Variants in CASQ2 observed in about 807,000 individuals in gnomAD.
The protein encoded by CASQ2 is calsequestrin 2.
CASQ2 carries 49 observed loss-of-function variants against 46.5 expected under a neutral mutation model. That is an observed-to-expected ratio of 1.05 (90% CI 0.84 to 1.34). The LOEUF (loss-of-function observed/expected upper bound fraction) is 1.34. Ranked by LOEUF, CASQ2 falls within the 40% of genes most tolerant of loss-of-function variation. CASQ2 has a pLI of 0.00. For missense variants in CASQ2, 486 were observed against 481.3 expected (o/e 1.01, Z -0.09); for synonymous variants, 174 against 168.5 (o/e 1.03, Z -0.25).
chr1:115,768,693 C>G lies in CASQ2; in HGVS notation c.-152G>C, dbSNP rs1649213399. The G allele has an allele frequency of 4.6e-6, 3 of 649,410 alleles. No homozygotes were observed. The Admixed American group carries it at 7.1e-5, about 15-fold the overall frequency. The allele number at this position is 649,410 out of a possible 1,614,324, so 40.2% of individuals were successfully genotyped here. A position where few individuals can be genotyped will look rare whatever the true frequency, so the allele number is the denominator to read the frequency against. ...CTGGGGCTGAAAAGTGACTCTTCACCTCCTTGGGTCCAGCCAGCTCTGGAA... is the reference window on the plus strand; with the variant it reads ...CTGGGGCTGAAAAGTGACTCTTCACGTCCTTGGGTCCAGCCAGCTCTGGAA... On this transcript the variant is annotated 5_prime_UTR_variant, in exon 1 of 11. Transcript: ENST00000261448.
rs555239404 is a variant in CASQ2, at chr1:115,760,434, A to C, written c.234+7874T>G. 1.2e-4 allele frequency among the ~76,000 whole-genome samples: 19 copies of C among 152,292 alleles called. 1 individual carries two copies. The East Asian group carries it at 3.5e-3, about 28-fold the overall frequency. On this transcript the variant is annotated intron_variant, in intron 1 of 10. Coordinates refer to ENST00000261448, the MANE Select transcript of CASQ2 (RefSeq NM_001232.4). Reference sequence around the variant, plus strand: ...CGCCTTTTTATTCAGATGAGGTCTCACTATGTTGCTCAAGCTGGAGTGCAG... The same window carrying C: ...CGCCTTTTTATTCAGATGAGGTCTCCCTATGTTGCTCAAGCTGGAGTGCAG...
At chr1:115,727,506 A>G (rs1374996910) in intron 5 of CASQ2, among the ~76,000 whole-genome samples, 2 of 152,248 alleles carry the variant, frequency 1.3e-5, no homozygotes, top group East Asian at 1.9e-4. Context: ...ATTTAATGGA[A>G]CCAATGTTGA....
chr1:115,764,082 C>T (rs1167251472), intron 1 of CASQ2, among the ~76,000 whole-genome samples: 1 of 151,274 alleles, frequency 6.6e-6, no homozygotes. Flanking sequence ...TGAGAAAAGG[C>T]ATAGAAAAAT....
intron 4 of CASQ2, among the ~76,000 whole-genome samples, chr1:115,733,290 A>T (rs1647853987): frequency 6.6e-6 from 1 of 152,156 alleles, no homozygotes; most frequent in Non-Finnish European, 1.5e-5. Flanking sequence ...CCAAACCAAA[A>T]TAAAAAGACC....
At chr1:115,711,157 C>T (rs542673355) in intron 8 of CASQ2, among the ~76,000 whole-genome samples, 7 of 152,178 alleles carry the variant, frequency 4.6e-5, no homozygotes, top group African/African-American at 1.2e-4. Flanking sequence ...CACAAAGGCA[C>T]GGAAAGGGAC....
Position 115,701,025 on chromosome 1 carries a change from A to T in CASQ2, c.*216T>A, listed in dbSNP as rs921569197. ...CAGTCAAGACAGTCAACATGGGAAT[A>T]ATTTTTCTCCTGTCCCTGCTAAGTG... is the stretch of plus-strand genomic sequence containing the variant. On this transcript the variant is annotated 3_prime_UTR_variant, in exon 11 of 11. Coordinates refer to ENST00000261448, the MANE Select transcript of CASQ2 (RefSeq NM_001232.4). The T allele has an allele frequency of 2.5e-5, 17 of 681,712 alleles. No homozygotes were observed. The highest frequency in any genetic ancestry group is 3.9e-5 in the Non-Finnish European group (15 of 385,534). 42.2% of individuals were successfully genotyped at this position (681,712 alleles called of 1,614,324 possible). A position where few individuals can be genotyped will look rare whatever the true frequency, so the allele number is the denominator to read the frequency against.
rs78447170 is a variant in CASQ2, at chr1:115,759,052, C to T, written c.234+9256G>A. ...GGAAAGTGTGATTTACATAGGTTGT[C>T]AGGGAGATAACTTCTTTGATAAAGT... On this transcript the variant is annotated intron_variant, in intron 1 of 10. Coordinates refer to ENST00000261448, the MANE Select transcript of CASQ2 (RefSeq NM_001232.4). Among the ~76,000 whole-genome samples the T allele has an allele frequency of 6.7e-3, 1,020 of 152,236 alleles. 11 individuals are homozygous for T. Among genetic ancestry groups the T allele is most frequent in the African/African-American group, 0.023 (936 of 41,538 alleles).
chr1:115,768,488 C>T lies in CASQ2; in HGVS notation c.54G>A (p.Arg18=). ...IVGIYFLSSC[R]AEEGLNFPTY... is the part of the protein sequence containing the mutation. ...TGGGGAAATTAAGCCCCTCTTCTGC[C>T]CTGCAAGAGGACAGAAAATAAATCC... Residue 18 remains arginine, a synonymous_variant, in exon 1 of 11, where the codon AGG becomes AGA. Transcript: ENST00000261448. 1 of 1,613,888 alleles carries T rather than the reference C, an allele frequency of 6.2e-7. No homozygotes were observed. Among genetic ancestry groups the T allele is most frequent in the Middle Eastern group, 1.7e-4 (1 of 6,058 alleles).
chr1:115,730,965 A>G (rs1438306850), intron 5 of CASQ2, among the ~76,000 whole-genome samples: 5 of 152,122 alleles, frequency 3.3e-5, no homozygotes, highest in Admixed American at 3.3e-4. Flanking sequence ...AGGCTCTACC[A>G]GGTGCAGTCA....
intron 8 of CASQ2, among the ~76,000 whole-genome samples, chr1:115,712,224 A>G (rs1288778745): frequency 6.6e-6 from 1 of 152,234 alleles, no homozygotes; most frequent in Non-Finnish European, 1.5e-5. Context: ...TGAGAGTCAG[A>G]CATCCGCGTA....
At chr1:115,768,200 C>G in intron 1 of CASQ2, 108 bp downstream of exon 1, 1 of 794,508 alleles carries the variant, frequency 1.3e-6, no homozygotes, top group Non-Finnish European at 2.3e-6. Flanking sequence ...AAGCAGAGTT[C>G]AGTATATATT....
At chr1:115,731,531 T>C (rs1647783117) in intron 5 of CASQ2, among the ~76,000 whole-genome samples, 1 of 152,242 alleles carries the variant, frequency 6.6e-6, no homozygotes, top group African/African-American at 2.4e-5. Context: ...GCCTAGATGA[T>C]TGCTTTCTTA....
chr1:115,720,574 T>G (rs189636477), intron 7 of CASQ2, among the ~76,000 whole-genome samples: 60 of 152,328 alleles, frequency 3.9e-4, no homozygotes, highest in African/African-American at 1.4e-3. Context: ...CAGAAAATGT[T>G]GTAAACTTGG....
chr1:115,736,115 A>G (rs1647948510), intron 4 of CASQ2, among the ~76,000 whole-genome samples: 1 of 149,722 alleles, frequency 6.7e-6, no homozygotes, highest in Non-Finnish European at 1.5e-5. Context: ...GTGAGCCGAG[A>G]TTGCACCATT....
chr1:115,718,985 G>A (rs1432652512), intron 7 of CASQ2, among the ~76,000 whole-genome samples: 1 of 152,048 alleles, frequency 6.6e-6, no homozygotes, highest in African/African-American at 2.4e-5. Context: ...TGGGCACCCT[G>A]AACATCATAT....
chr1:115,747,478 T>A (rs1648426866), intron 1 of CASQ2, among the ~76,000 whole-genome samples: 2 of 152,238 alleles, frequency 1.3e-5, no homozygotes, highest in African/African-American at 4.8e-5. Flanking sequence ...CATTTTTGTA[T>A]AAACTTCAGA....
intron 10 of CASQ2, among the ~76,000 whole-genome samples, chr1:115,702,072 A>G (rs893004227): frequency 6.6e-6 from 1 of 152,046 alleles, no homozygotes; most frequent in South Asian, 2.1e-4. Context: ...ACAGGCACCC[A>G]TGACCATGCC....
rs149096486 is a variant in CASQ2, at chr1:115,756,035, G to T, written c.235-11123C>A. Among the ~76,000 whole-genome samples the T allele has an allele frequency of 6.6e-5, 10 of 152,304 alleles. No homozygotes were observed. The South Asian group carries it at 2.1e-3, about 32-fold the overall frequency. Reference sequence around the variant, plus strand: ...CTTCATAAATCAGAGGTGTGTGGTCGGGCTAACAGTTAGATATCCGAGGCC... The same window carrying T: ...CTTCATAAATCAGAGGTGTGTGGTCTGGCTAACAGTTAGATATCCGAGGCC... On this transcript the variant is annotated intron_variant, in intron 1 of 10. Transcript: ENST00000261448.
chr1:115,727,043 T>C lies in CASQ2; in HGVS notation c.686A>G (p.Asn229Ser). The C allele has an allele frequency of 6.2e-7, 1 of 1,613,546 alleles. No individual in the cohort carries two copies. The highest frequency in any genetic ancestry group is 1.1e-5 in the South Asian group (1 of 91,058). The change falls in exon 6 of 11, where the codon AAC becomes AGC. Residue 229 changes from asparagine (N) to serine (S), a missense_variant. Transcript: ENST00000261448. ...PFMDEPIAIP[N>S]KPYTEEELVE... ...CAGCTCCTCTTCTGTGTAAGGTTTG[T>C]TGGGGATGGCAATGGGCTCATCCAT...
Sources: allele counts gnomAD v4.1 joint callset (sites outside exome capture counted in the v4.1 genomes callset), GRCh38; gene constraint gnomAD v4.1.1; transcripts MANE v1.5; gene names NCBI Gene and HGNC (gene_info 2026-07-23, HGNC 2026-07-21).